GCA: variants seen among roughly 807,000 people sequenced by gnomAD.
The protein encoded by GCA is grancalcin, also known as grancalcin, EF-hand calcium-binding protein.
Under a neutral mutation model 32.6 loss-of-function variants are expected in GCA, and 30 were observed. The observed-to-expected ratio is 0.92, with a 90% CI of 0.69 to 1.25. The LOEUF is 1.25. Among genes scored for constraint, GCA ranks in the 50% most tolerant of loss-of-function variants. The pLI, the probability that GCA is intolerant of heterozygous loss-of-function variation, is 0.00. For missense variants in GCA, 291 were observed against 266.8 expected, an observed-to-expected ratio of 1.09 and a Z score of -0.63; for synonymous variants, 102 against 84.6, an observed-to-expected ratio of 1.21 and a Z score of -1.13.
At position 162,361,706 on chromosome 2, in the gene GCA, C is replaced by T. The variant is rs903095004; in HGVS notation, c.*1463C>T. ...TATAAAAATGTGTGAATAGGTAATA[C>T]ACATAATTTTGTTCTCTGGCTTTTT... On this transcript the variant is annotated 3_prime_UTR_variant, in exon 8 of 8. Transcript: ENST00000437150. The T allele has an allele frequency of 1.0e-6, 1 of 982,022 alleles. No individual in the cohort carries two copies. The highest frequency in any genetic ancestry group is 1.8e-5 in the African/African-American group (1 of 57,120). 60.8% of individuals were successfully genotyped at this position (982,022 alleles called of 1,614,324 possible).
intron 4 of GCA, among the ~76,000 whole-genome samples, chr2:162,368,883 T>A (rs981281545): frequency 3.9e-5 from 6 of 152,108 alleles, no homozygotes; most frequent in African/African-American, 1.4e-4. Context: ...TTTTCTCAAC[T>A]GATTAAATAA....
chr2:162,337,279 G>A (rs901699391), intron 1 of GCA, among the ~76,000 whole-genome samples: 1 of 152,172 alleles, frequency 6.6e-6, no homozygotes. Flanking sequence ...TGGTGCATCC[G>A]TGTGCTAAAA....
upstream of GCA, among the ~76,000 whole-genome samples, chr2:162,341,289 ATATATATATAT>A (rs1208619270): frequency 3.6e-5 from 5 of 138,742 alleles, no homozygotes; most frequent in African/African-American, 1.4e-4. Context: ...ATATATATAT[ATATATATATAT>A]GATTTATATG....
intron 1 of GCA, among the ~76,000 whole-genome samples, chr2:162,327,246 T>C (rs917231256): frequency 1.3e-5 from 2 of 152,148 alleles, no homozygotes; most frequent in East Asian, 3.9e-4. Flanking sequence ...GGTATGTTAG[T>C]GGCTATTTGT....
chr2:162,350,618 T>A (rs893574046), intron 2 of GCA, among the ~76,000 whole-genome samples: 2 of 152,202 alleles, frequency 1.3e-5, no homozygotes, highest in Non-Finnish European at 2.9e-5. Flanking sequence ...AATTACAACT[T>A]AAAGTATATG....
intron 5 of GCA, among the ~76,000 whole-genome samples, chr2:162,357,772 G>A (rs914958749): frequency 6.6e-6 from 1 of 151,602 alleles, no homozygotes; most frequent in African/African-American, 2.4e-5. Context: ...TCAGCCTAAT[G>A]TTGGGAAATT....
upstream of GCA, among the ~76,000 whole-genome samples, chr2:162,341,267 TTA>T (rs3052040): frequency 0.13 from 14,510 of 115,960 alleles, 906 homozygotes; most frequent in East Asian, 0.38. Flanking sequence ...CTTATTTATT[TTA>T]TATATATATA....
At chr2:162,326,310 A>C (rs1321858810) in intron 1 of GCA, among the ~76,000 whole-genome samples, 2 of 152,192 alleles carry the variant, frequency 1.3e-5, no homozygotes, top group African/African-American at 2.4e-5. Context: ...TCCAGAGGCC[A>C]AGCCAGTCCT....
chr2:162,322,807 C>T (rs10182725), intron 1 of GCA, among the ~76,000 whole-genome samples: 8,306 of 151,306 alleles, frequency 0.055, 911 homozygotes, highest in African/African-American at 0.19. Flanking sequence ...CAGTCTATCA[C>T]TGTTGGACAT....
chr2:162,343,258 G>T (rs902200886), upstream of GCA, among the ~76,000 whole-genome samples: 1 of 152,140 alleles, frequency 6.6e-6, no homozygotes. Flanking sequence ...CAGCTGCCTT[G>T]TCCTTTTAAA....
Position 162,352,687 on chromosome 2 carries a change from G to T in GCA, c.262+280G>T, listed in dbSNP as rs146498074. On this transcript the variant is annotated intron_variant, in intron 3 of 7. Coordinates refer to ENST00000437150, the MANE Select transcript of GCA (RefSeq NM_012198.5). ...TTTCAAGATAGAATATTTTTTTCAC[G>T]ATTGATTTTTGGATTTTATGATTAT... is the stretch of plus-strand genomic sequence containing the variant. Among the ~76,000 whole-genome samples, 11 of 151,918 alleles carry T rather than the reference G, an allele frequency of 7.2e-5. 1 individual carries two copies. In the East Asian group the frequency reaches 2.1e-3, roughly 29 times the overall value.
upstream of GCA, among the ~76,000 whole-genome samples, chr2:162,340,415 A>C (rs996234850): frequency 6.6e-6 from 1 of 152,202 alleles, no homozygotes; most frequent in African/African-American, 2.4e-5. Context: ...ATACCTTAAA[A>C]ACAGAATAAT....
intron 3 of GCA, among the ~76,000 whole-genome samples, chr2:162,355,196 A>G (rs1281700953): frequency 6.6e-6 from 1 of 152,114 alleles, no homozygotes; most frequent in African/African-American, 2.4e-5. Flanking sequence ...TTACAATTGG[A>G]ACTATTATAC....
chr2:162,360,837 T>C lies in GCA; in HGVS notation c.*594T>C, dbSNP rs987257955. On this transcript the variant is annotated 3_prime_UTR_variant, in exon 8 of 8. Transcript: ENST00000437150. ...AAATAAGACTACAGAAGGCATTGTT[T>C]TTTCCTTTTTTATTTTTTGTATTAT... 7.5e-6 allele frequency: 9 copies of C among 1,193,622 alleles called. No homozygotes were observed. The Admixed American group carries it at 1.6e-4, about 22-fold the overall frequency. The allele number at this position is 1,193,622 out of a possible 1,614,324, so 73.9% of individuals were successfully genotyped here.
upstream of GCA, among the ~76,000 whole-genome samples, chr2:162,343,917 CGAGAACCTGAGG>C (rs1684536595): frequency 6.6e-6 from 1 of 152,082 alleles, no homozygotes; most frequent in African/African-American, 2.4e-5. Context: ...GGAGAGCGCG[CGAGAACCTGAGG>C]GAGCCAGTAA....
chr2:162,362,385 A>G lies in GCA; in HGVS notation c.*2142A>G. On this transcript the variant is annotated 3_prime_UTR_variant, in exon 8 of 8. Transcript: ENST00000437150. ...TTAGGCCTAGAGAATATTTTACCAGAATTTTTATACTGAAATACAGTTCAC... is the reference window on the plus strand; with the variant it reads ...TTAGGCCTAGAGAATATTTTACCAGGATTTTTATACTGAAATACAGTTCAC... The G allele has an allele frequency of 2.0e-6, 2 of 978,994 alleles. No homozygotes were observed. Among genetic ancestry groups the G allele is most frequent in the Non-Finnish European group, 2.4e-6 (2 of 824,390 alleles). The allele number at this position is 978,994 out of a possible 1,614,324, so 60.6% of individuals were successfully genotyped here. A position where few individuals can be genotyped will look rare whatever the true frequency, so the allele number is the denominator to read the frequency against.
chr2:162,325,795 A>T (rs1683855623), intron 1 of GCA, among the ~76,000 whole-genome samples: 2 of 152,140 alleles, frequency 1.3e-5, no homozygotes, highest in Non-Finnish European at 2.9e-5. Context: ...TCTCCAGGAG[A>T]GTTCAAATAT....
chr2:162,320,924 A>G (rs2105245698), intron 1 of GCA, among the ~76,000 whole-genome samples: 1 of 152,324 alleles, frequency 6.6e-6, no homozygotes, highest in Middle Eastern at 3.4e-3. Flanking sequence ...TTGATTTCCC[A>G]AATAGTCATC....
At chr2:162,347,465 C>A in intron 1 of GCA, 113 bp from the exon 2 acceptor site, 1 of 578,894 alleles carries the variant, frequency 1.7e-6, no homozygotes, top group Non-Finnish European at 2.8e-6. Context: ...AGATTATAAG[C>A]TTTTGGTAAC....
Sources: allele counts gnomAD v4.1 joint callset (sites outside exome capture counted in the v4.1 genomes callset), GRCh38; gene constraint gnomAD v4.1.1; transcripts MANE v1.5; gene names NCBI Gene and HGNC (gene_info 2026-07-23, HGNC 2026-07-21).